NTRK3: variants seen among roughly 807,000 people sequenced by gnomAD.
The protein encoded by NTRK3 is neurotrophic receptor tyrosine kinase 3, also known as NT-3 growth factor receptor.
A neutral mutation model predicts 91.7 loss-of-function variants in NTRK3; 24 were observed. The observed-to-expected ratio is 0.26, with a 90% CI of 0.19 to 0.37. The LOEUF (loss-of-function observed/expected upper bound fraction) is 0.37, where lower values mean the gene tolerates loss of function less well. NTRK3 is among the 10% of genes least tolerant of loss of function. The pLI, the probability that NTRK3 is intolerant of heterozygous loss-of-function variation, is 1.00. For synonymous variants in NTRK3, 483 were observed against 404.0 expected, an observed-to-expected ratio of 1.20 and a Z score of -2.34; for missense variants, 880 against 1,068.9, an observed-to-expected ratio of 0.82 and a Z score of 2.46.
intron 13 of NTRK3, among the ~76,000 whole-genome samples, chr15:88,090,396 A>C (rs2150749200): frequency 6.8e-6 from 1 of 147,928 alleles, no homozygotes; most frequent in Non-Finnish European, 1.5e-5. Context: ...GGAAGGAGAA[A>C]AGGAATGAAG....
intron 5 of NTRK3, among the ~76,000 whole-genome samples, chr15:88,172,474 TAGG>T (rs1373771683): frequency 6.6e-6 from 1 of 152,126 alleles, no homozygotes; most frequent in Admixed American, 6.5e-5. Context: ...TCCCCAAGAC[TAGG>T]AGATGCACAG....
At chr15:88,112,717 G>C (rs2051551722) in intron 13 of NTRK3, among the ~76,000 whole-genome samples, 1 of 152,302 alleles carries the variant, frequency 6.6e-6, no homozygotes, top group African/African-American at 2.4e-5. Flanking sequence ...CCAGTGATGG[G>C]AGACTCTGAG....
At chr15:88,210,557 GAAC>G (rs1317540981) in intron 3 of NTRK3, among the ~76,000 whole-genome samples, 3 of 152,176 alleles carry the variant, frequency 2.0e-5, no homozygotes, top group Non-Finnish European at 4.4e-5. Flanking sequence ...TCAGATGCAG[GAAC>G]AACTCTCCCA....
At chr15:88,183,431 G>C in exon 5 of NTRK3, 2 of 1,614,020 alleles carry the variant, frequency 1.2e-6, no homozygotes, top group South Asian at 2.2e-5. Flanking sequence ...TAACGCAAAT[G>C]GGGGTTCTTG....
chr15:88,153,219 C>G (rs2151370313), intron 5 of NTRK3, among the ~76,000 whole-genome samples: 1 of 152,180 alleles, frequency 6.6e-6, no homozygotes, highest in South Asian at 2.1e-4. Context: ...CATCAAGTAT[C>G]TATCCCTTTT....
intron 14 of NTRK3, among the ~76,000 whole-genome samples, chr15:87,959,126 C>T (rs1242153266): frequency 6.6e-6 from 1 of 152,166 alleles, no homozygotes; most frequent in African/African-American, 2.4e-5. Flanking sequence ...TCTCCAACCA[C>T]TCAGTGGAAA....
intron 5 of NTRK3, among the ~76,000 whole-genome samples, chr15:88,166,505 A>G (rs547070347): frequency 6.6e-6 from 1 of 152,330 alleles, no homozygotes; most frequent in African/African-American, 2.4e-5. Context: ...GGAGCTGTTC[A>G]TAGTTCACTG....
At chr15:87,933,515 G>T (rs964437892) in intron 15 of NTRK3, among the ~76,000 whole-genome samples, 4 of 152,252 alleles carry the variant, frequency 2.6e-5, no homozygotes, top group Non-Finnish European at 5.9e-5. Context: ...GGAAAGCCTG[G>T]CAAAAGCCCC....
chr15:87,946,109 GGAT>G (rs1219488294), intron 14 of NTRK3: 1 of 152,192 alleles, frequency 6.6e-6, no homozygotes, highest in East Asian at 1.9e-4. Flanking sequence ...ATGTGGAGAA[GGAT>G]GATGATTTTC....
chr15:88,005,126 T>C (rs1236580231), intron 14 of NTRK3, among the ~76,000 whole-genome samples: 1 of 152,174 alleles, frequency 6.6e-6, no homozygotes, highest in African/African-American at 2.4e-5. Context: ...TTTGGGTCTC[T>C]TTGCTCACTG....
intron 3 of NTRK3, among the ~76,000 whole-genome samples, chr15:88,214,719 C>T (rs2049590485): frequency 6.6e-6 from 1 of 151,430 alleles, no homozygotes; most frequent in African/African-American, 2.4e-5. Context: ...CAAATGAACA[C>T]TCTTCCTATT....
intron 17 of NTRK3, among the ~76,000 whole-genome samples, chr15:87,910,567 A>C (rs2141732618): frequency 6.6e-6 from 1 of 152,346 alleles, no homozygotes; most frequent in Admixed American, 6.5e-5. Context: ...AGAGAGAAGA[A>C]GTGGAGGCTG....
chr15:87,930,133 C>T (rs2068664825), intron 16 of NTRK3, among the ~76,000 whole-genome samples: 1 of 152,188 alleles, frequency 6.6e-6, no homozygotes, highest in Non-Finnish European at 1.5e-5. Flanking sequence ...CACTCCACCA[C>T]ACCGCTTAGC....
chr15:88,245,849 A>G (rs2052769141), intron 3 of NTRK3, among the ~76,000 whole-genome samples: 1 of 152,230 alleles, frequency 6.6e-6, no homozygotes, highest in South Asian at 2.1e-4. Context: ...CTAAAGCTTC[A>G]TTTAGTCGTT....
At chr15:88,062,324 C>T (rs145339995) in intron 13 of NTRK3, among the ~76,000 whole-genome samples, 4 of 152,228 alleles carry the variant, frequency 2.6e-5, no homozygotes, top group Non-Finnish European at 5.9e-5. Flanking sequence ...CAGTTTCTGG[C>T]ATTGACTAGC....
At chr15:87,985,682 G>A (rs184147887) in intron 14 of NTRK3, among the ~76,000 whole-genome samples, 6 of 152,242 alleles carry the variant, frequency 3.9e-5, no homozygotes, top group South Asian at 2.1e-4. Flanking sequence ...AATGTACCCC[G>A]ACTACAATTT....
chr15:88,185,687 C>T lies in NTRK3; in HGVS notation c.249-1388G>A, dbSNP rs1197346168. ...ACAGCTCATCCTGGGACAGAACTAA[C>T]CCAGGCACACTCTGTCCAGAAAAGT... On this transcript the variant is annotated intron_variant, in intron 3 of 18. Transcript: ENST00000394480. Among the ~76,000 whole-genome samples, 4 of 152,228 alleles carry T rather than the reference C, an allele frequency of 2.6e-5. No homozygotes were observed. The East Asian group carries it at 7.7e-4, about 29-fold the overall frequency.
chr15:88,178,844 A>T (rs2046223062), intron 5 of NTRK3, among the ~76,000 whole-genome samples: 1 of 152,228 alleles, frequency 6.6e-6, no homozygotes, highest in African/African-American at 2.4e-5. Context: ...GAGCGTGCTG[A>T]ATCCCCAGGG....
intron 14 of NTRK3, among the ~76,000 whole-genome samples, chr15:88,020,797 A>G (rs1337277789): frequency 6.6e-6 from 1 of 152,282 alleles, no homozygotes; most frequent in East Asian, 1.9e-4. Context: ...TTCTAATGAA[A>G]AAGGATCCTC....
Sources: gnomAD v4.1 joint callset for allele counts (sites outside exome capture counted in the v4.1 genomes callset) on GRCh38, gnomAD v4.1.1 for gene constraint, MANE v1.5 for transcripts, NCBI Gene and HGNC (gene_info 2026-07-23, HGNC 2026-07-21) for gene names.